CADM2: variants seen among roughly 807,000 people sequenced by gnomAD.
CADM2 encodes the protein immunoglobulin superfamily member 4D.
CADM2 carries 12 observed loss-of-function variants against 49.8 expected under a neutral mutation model. The ratio of observed to expected loss-of-function variants is 0.24; its 90% CI spans 0.15 to 0.39. CADM2 has a LOEUF of 0.39. Among genes scored for constraint, CADM2 ranks in the 10% least tolerant of loss-of-function variants. The pLI is 1.00. For missense variants in CADM2, 378 were observed against 492.3 expected (o/e 0.77, Z 2.20); for synonymous variants, 214 against 175.4 (o/e 1.22, Z -1.74).
chr3:85,305,736 C>CT (rs936535274), intron 1 of CADM2, among the ~76,000 whole-genome samples: 1 of 151,530 alleles, frequency 6.6e-6, no homozygotes, highest in Non-Finnish European at 1.5e-5. Context: ...TTAATCTTCT[C>CT]TTTTTTTCAG....
At chr3:85,724,855 A>G (rs2067631462) in intron 1 of CADM2, among the ~76,000 whole-genome samples, 1 of 151,856 alleles carries the variant, frequency 6.6e-6, no homozygotes, top group African/African-American at 2.4e-5. Flanking sequence ...TTAAGCCAAA[A>G]CATTCATTAA....
At chr3:85,067,540 G>A (rs572911567) in intron 1 of CADM2, among the ~76,000 whole-genome samples, 1 of 152,078 alleles carries the variant, frequency 6.6e-6, no homozygotes, top group Admixed American at 6.6e-5. Context: ...GAACAGTATG[G>A]TATCTGGGAA....
chr3:85,796,669 C>T (rs1305923291), intron 2 of CADM2, among the ~76,000 whole-genome samples: 1 of 152,150 alleles, frequency 6.6e-6, no homozygotes, highest in East Asian at 1.9e-4. Context: ...TTTTCCCCTT[C>T]AGAATCTTCT....
intron 1 of CADM2, among the ~76,000 whole-genome samples, chr3:85,058,020 T>C (rs1211738676): frequency 6.6e-6 from 1 of 152,224 alleles, no homozygotes; most frequent in Non-Finnish European, 1.5e-5. Flanking sequence ...GTTGAATTGA[T>C]TAGTCTTAAA....
At chr3:85,686,471 T>G (rs1436380311) in intron 1 of CADM2, among the ~76,000 whole-genome samples, 2 of 152,206 alleles carry the variant, frequency 1.3e-5, no homozygotes, top group African/African-American at 4.8e-5. Flanking sequence ...ACACTATTTT[T>G]TATGATGAAT....
intron 1 of CADM2, among the ~76,000 whole-genome samples, chr3:85,395,135 C>G (rs1193962608): frequency 6.6e-6 from 1 of 150,712 alleles, no homozygotes; most frequent in East Asian, 1.9e-4. Flanking sequence ...AAAAATAAAG[C>G]AATAAAGATA....
chr3:85,119,724 T>C (rs1259006075), intron 1 of CADM2, among the ~76,000 whole-genome samples: 1 of 152,194 alleles, frequency 6.6e-6, no homozygotes, highest in African/African-American at 2.4e-5. Context: ...ACTTCTCTTG[T>C]AAGTTTTATT....
chr3:85,403,059 G>A (rs2035195654), intron 1 of CADM2, among the ~76,000 whole-genome samples: 2 of 152,040 alleles, frequency 1.3e-5, no homozygotes, highest in South Asian at 4.1e-4. Flanking sequence ...CCTTTAAGAT[G>A]TATTTGCTAG....
intron 2 of CADM2, among the ~76,000 whole-genome samples, chr3:85,769,240 A>T (rs1319811413): frequency 8.4e-6 from 1 of 119,554 alleles, no homozygotes; most frequent in Non-Finnish European, 1.6e-5. Flanking sequence ...ACATATACAC[A>T]TATATACATA....
intron 1 of CADM2, among the ~76,000 whole-genome samples, chr3:85,585,916 C>G (rs1400906261): frequency 2.6e-5 from 4 of 151,962 alleles, no homozygotes; most frequent in Non-Finnish European, 4.4e-5. Context: ...TGTGACAGCT[C>G]TTAGTAAACT....
chr3:85,776,351 A>G (rs1222565674), intron 2 of CADM2, among the ~76,000 whole-genome samples: 1 of 151,736 alleles, frequency 6.6e-6, no homozygotes, highest in African/African-American at 2.4e-5. Flanking sequence ...ACACACACAC[A>G]CACACACACA....
chr3:85,719,991 T>A (rs993360398), intron 1 of CADM2, among the ~76,000 whole-genome samples: 1 of 152,146 alleles, frequency 6.6e-6, no homozygotes, highest in African/African-American at 2.4e-5. Context: ...TATTATCCCA[T>A]GTAAATATTA....
At chr3:85,442,859 A>G (rs2037277503) in intron 1 of CADM2, among the ~76,000 whole-genome samples, 1 of 151,736 alleles carries the variant, frequency 6.6e-6, no homozygotes, top group Admixed American at 6.6e-5. Flanking sequence ...TTGATATAAT[A>G]TCAGGAATCT....
chr3:85,278,686 C>A (rs62250655), intron 1 of CADM2, among the ~76,000 whole-genome samples: 5 of 147,826 alleles, frequency 3.4e-5, no homozygotes, highest in African/African-American at 1.2e-4. Context: ...TTTTCAGAGA[C>A]GGTGTATGAA....
At chr3:85,587,271 G>A (rs7634761) in intron 1 of CADM2, among the ~76,000 whole-genome samples, 78,000 of 151,862 alleles carry the variant, frequency 0.51, 23,049 homozygotes, top group East Asian at 0.85. Context: ...AAAAAATACA[G>A]TGACCCAAGT....
intron 3 of CADM2, among the ~76,000 whole-genome samples, chr3:85,856,751 C>G (rs779049417): frequency 6.6e-6 from 1 of 152,100 alleles, no homozygotes; most frequent in Non-Finnish European, 1.5e-5. Flanking sequence ...GAAGAATTAT[C>G]CCATTGTGCT....
chr3:85,020,159 T>A (rs781763433), intron 1 of CADM2, among the ~76,000 whole-genome samples: 1 of 152,126 alleles, frequency 6.6e-6, no homozygotes, highest in Non-Finnish European at 1.5e-5. Flanking sequence ...TAATACTAGA[T>A]GAAATGGGAC....
intron 1 of CADM2, among the ~76,000 whole-genome samples, chr3:85,589,597 C>G (rs2063047554): frequency 6.6e-6 from 1 of 151,990 alleles, no homozygotes; most frequent in African/African-American, 2.4e-5. Flanking sequence ...AACACCTGGA[C>G]ATACACATAG....
At chr3:85,304,363 T>C (rs2044166348) in intron 1 of CADM2, among the ~76,000 whole-genome samples, 1 of 151,768 alleles carries the variant, frequency 6.6e-6, no homozygotes, top group Admixed American at 6.6e-5. Context: ...TCTTAGAAAA[T>C]TCTAGAAACT....
Sources: gnomAD v4.1 joint callset for allele counts (sites outside exome capture counted in the v4.1 genomes callset) on GRCh38, gnomAD v4.1.1 for gene constraint, MANE v1.5 for transcripts, NCBI Gene and HGNC (gene_info 2026-07-23, HGNC 2026-07-21) for gene names.